PRKG1: variants seen among roughly 807,000 people sequenced by gnomAD.
The protein encoded by PRKG1 is cGMP-dependent protein kinase 1.
In PRKG1, 35 loss-of-function variants were observed where a neutral mutation model predicts 88.1. The ratio of observed to expected loss-of-function variants is 0.40; its 90% confidence interval spans 0.30 to 0.53. The LOEUF (loss-of-function observed/expected upper bound fraction) is 0.53, where lower values mean the gene tolerates loss of function less well. PRKG1 is among the 20% of genes least tolerant of loss of function. PRKG1 has a pLI of 0.59. For synonymous variants in PRKG1, 303 were observed against 292.5 expected (o/e 1.04, Z -0.37); for missense variants, 540 against 839.8 (o/e 0.64, Z 4.41).
At chr10:51,957,088 CTG>C (rs1259547080) in intron 5 of PRKG1, among the ~76,000 whole-genome samples, 2 of 137,898 alleles carry the variant, frequency 1.5e-5, no homozygotes, top group African/African-American at 5.4e-5. Context: ...TTCTCTCCTT[CTG>C]TCTTTTCTTT....
chr10:51,380,391 G>A (rs549538910), intron 2 of PRKG1, among the ~76,000 whole-genome samples: 7 of 152,168 alleles, frequency 4.6e-5, no homozygotes, highest in East Asian at 1.9e-4. Flanking sequence ...TTGCCTCCCC[G>A]TTAAGCATAA....
chr10:52,107,778 T>C (rs1274435978), intron 7 of PRKG1, among the ~76,000 whole-genome samples: 2 of 152,238 alleles, frequency 1.3e-5, no homozygotes, highest in Non-Finnish European at 2.9e-5. Flanking sequence ...TGTGTCGCTT[T>C]CCAATGTTGC....
chr10:52,192,911 C>G (rs1374670296), intron 9 of PRKG1, among the ~76,000 whole-genome samples: 1 of 151,926 alleles, frequency 6.6e-6, no homozygotes, highest in East Asian at 1.9e-4. Context: ...ACAGTTGAGG[C>G]AAAAGGCTTT....
chr10:51,584,290 A>G (rs1448152671), intron 3 of PRKG1, among the ~76,000 whole-genome samples: 1 of 152,082 alleles, frequency 6.6e-6, no homozygotes, highest in Non-Finnish European at 1.5e-5. Flanking sequence ...TGCCTACCTT[A>G]TGAGCCACTT....
intron 9 of PRKG1, among the ~76,000 whole-genome samples, chr10:52,226,361 A>G (rs1840388916): frequency 1.3e-5 from 2 of 152,162 alleles, no homozygotes; most frequent in South Asian, 4.1e-4. Flanking sequence ...ATTGATAAAC[A>G]CTAAAAAGAT....
intron 2 of PRKG1, among the ~76,000 whole-genome samples, chr10:51,332,012 T>C (rs2132530605): frequency 6.6e-6 from 1 of 152,314 alleles, no homozygotes; most frequent in East Asian, 1.9e-4. Context: ...AGTCATGCCC[T>C]CAACTAAATA....
At chr10:52,052,953 A>C (rs1043162855) in intron 5 of PRKG1, among the ~76,000 whole-genome samples, 1 of 152,214 alleles carries the variant, frequency 6.6e-6, no homozygotes, top group Admixed American at 6.5e-5. Context: ...AAATGAATAC[A>C]TGAAAGTGGA....
chr10:51,107,738 A>T (rs1844874976), intron 1 of PRKG1, among the ~76,000 whole-genome samples: 1 of 134,108 alleles, frequency 7.5e-6, no homozygotes, highest in Admixed American at 8.6e-5. Context: ...CTGGGAGGGT[A>T]TTTTGAGCCT....
chr10:51,767,843 T>G (rs1181878232), intron 3 of PRKG1, among the ~76,000 whole-genome samples: 1 of 152,106 alleles, frequency 6.6e-6, no homozygotes, highest in Non-Finnish European at 1.5e-5. Context: ...CCTGCTATTT[T>G]GAAGACATTA....
chr10:51,979,828 G>T (rs972990869), intron 5 of PRKG1, among the ~76,000 whole-genome samples: 1 of 151,722 alleles, frequency 6.6e-6, no homozygotes, highest in Admixed American at 6.6e-5. Flanking sequence ...ATTCAGGTCA[G>T]GGAAATATCC....
At chr10:51,363,273 T>C (rs566692928) in intron 2 of PRKG1, among the ~76,000 whole-genome samples, 35 of 151,996 alleles carry the variant, frequency 2.3e-4, no homozygotes, top group African/African-American at 6.0e-4. Flanking sequence ...AAAAAAATTT[T>C]TGGAGACTCT....
At chr10:51,925,229 G>T (rs1002271148) in intron 5 of PRKG1, among the ~76,000 whole-genome samples, 7 of 151,920 alleles carry the variant, frequency 4.6e-5, no homozygotes, top group Non-Finnish European at 5.9e-5. Context: ...CAAGAAGTTA[G>T]TCTGTGTTTA....
Position 51,735,883 on chromosome 10 carries a change from A to ATTTATTTATTTATTTATT in PRKG1, c.593-68701_593-68700insTTATTTATTTATTTATTT, listed in dbSNP as rs371598580. On this transcript the variant is annotated intron_variant, in intron 3 of 17. Coordinates refer to ENST00000373980, the MANE Select transcript of PRKG1 (RefSeq NM_006258.4). ...TATATATATATATATATATATATGT[A>ATTTATTTATTTATTTATT]TATTTATTTATTTATTTATTTATTT... is the stretch of plus-strand genomic sequence containing the variant. Among the ~76,000 whole-genome samples the ATTTATTTATTTATTTATT allele has an allele frequency of 9.7e-5, 10 of 102,850 alleles. No individual in the cohort carries two copies. The East Asian group carries it at 1.0e-3, about 11-fold the overall frequency. 67.5% of individuals were successfully genotyped at this position (102,850 alleles called of 152,430 possible). A position where few individuals can be genotyped will look rare whatever the true frequency, so the allele number is the denominator to read the frequency against.
intron 1 of PRKG1, among the ~76,000 whole-genome samples, chr10:51,044,144 T>G (rs1345243064): frequency 6.6e-6 from 1 of 152,202 alleles, no homozygotes; most frequent in East Asian, 1.9e-4. Flanking sequence ...TTTTCTCAAA[T>G]GAGAAGACCA....
chr10:51,589,117 G>T (rs913070641), intron 3 of PRKG1, among the ~76,000 whole-genome samples: 1 of 152,014 alleles, frequency 6.6e-6, no homozygotes, highest in Non-Finnish European at 1.5e-5. Context: ...TTTTGTTGCT[G>T]AGTTGCTAAC....
intron 3 of PRKG1, among the ~76,000 whole-genome samples, chr10:51,669,416 T>C (rs151202610): frequency 6.6e-6 from 1 of 152,336 alleles, no homozygotes; most frequent in Non-Finnish European, 1.5e-5. Flanking sequence ...TTAAAGGCTG[T>C]ATCTCCAATA....
chr10:52,170,950 G>A (rs1838653636), intron 9 of PRKG1, among the ~76,000 whole-genome samples: 2 of 152,122 alleles, frequency 1.3e-5, no homozygotes, highest in African/African-American at 4.8e-5. Flanking sequence ...GCCTCTCAAA[G>A]CACCTGAGGC....
At chr10:51,337,387 C>CA (rs1027257617) in intron 2 of PRKG1, among the ~76,000 whole-genome samples, 5 of 151,742 alleles carry the variant, frequency 3.3e-5, no homozygotes, top group Admixed American at 2.6e-4. Flanking sequence ...AAAGCAATTG[C>CA]AAAAAAAGCA....
At chr10:51,776,324 G>T (rs1250592745) in intron 3 of PRKG1, among the ~76,000 whole-genome samples, 1 of 152,080 alleles carries the variant, frequency 6.6e-6, no homozygotes, top group Non-Finnish European at 1.5e-5. Context: ...AATGCAAAAT[G>T]CACACCTTTT....
Sources: gnomAD v4.1 joint callset for allele counts (sites outside exome capture counted in the v4.1 genomes callset) on GRCh38, gnomAD v4.1.1 for gene constraint, MANE v1.5 for transcripts, NCBI Gene and HGNC (gene_info 2026-07-23, HGNC 2026-07-21) for gene names.